Variants in LARP1 observed in about 807,000 individuals in gnomAD.
LARP1 encodes La ribonucleoprotein 1, translational regulator.
LARP1 carries 36 observed loss-of-function variants against 122.7 expected under a neutral mutation model. The ratio of observed to expected loss-of-function variants is 0.29; its 90% CI spans 0.22 to 0.39. The LOEUF (loss-of-function observed/expected upper bound fraction) is 0.39. Ranked by LOEUF, LARP1 falls within the 10% of genes least tolerant of loss-of-function variation. The pLI, the probability that LARP1 is intolerant of heterozygous loss-of-function variation, is 1.00. For missense variants in LARP1, 1,040 were observed against 1,403.6 expected (o/e 0.74, Z 4.14); for synonymous variants, 539 against 528.7 (o/e 1.02, Z -0.27).
At chr5:154,783,123 T>A (rs1000992994) in intron 1 of LARP1, among the ~76,000 whole-genome samples, 1 of 152,116 alleles carries the variant, frequency 6.6e-6, no homozygotes, top group Non-Finnish European at 1.5e-5. Context: ...ACAGTCAGGG[T>A]CCCTGGACAC....
rs796666766 is a variant in LARP1, at chr5:154,762,295, G to GTT, written c.436+6112_436+6113dup. ...CCTCCTACACAGAGGTAAGATGTAA[G>GTT]TTTTTTTTTTTATTTCAGAAGATTG... On this transcript the variant is annotated intron_variant, in intron 1 of 18. Transcript: ENST00000518297. Among the ~76,000 whole-genome samples the GTT allele has an allele frequency of 2.5e-3, 378 of 148,456 alleles. 3 individuals are homozygous for GTT. Among genetic ancestry groups the GTT allele is most frequent in the African/African-American group, 8.7e-3 (353 of 40,706 alleles).
chr5:154,735,461 A>T (rs957228920), intron 1 of LARP1, among the ~76,000 whole-genome samples: 7 of 151,966 alleles, frequency 4.6e-5, no homozygotes, highest in Non-Finnish European at 7.4e-5. Context: ...TCAAAAAAAA[A>T]AGAGACCCTG....
chr5:154,799,883 T>C lies in LARP1; in HGVS notation c.1557T>C (p.Pro519=), dbSNP rs1582455373. 1 of 1,613,884 alleles carries C rather than the reference T, an allele frequency of 6.2e-7. No homozygotes were observed. Among genetic ancestry groups the C allele is most frequent in the African/African-American group, 1.3e-5 (1 of 75,048 alleles). ...QHYQKETESA[P]GSPRAVTPVP... ...CTTTCCACCCTTTAGAGTCGGCACC[T>C]GGCTCTCCTCGTGCAGTCACCCCAG... The change falls in exon 10 of 19, where the codon CCT becomes CCC. Residue 519 remains proline, a synonymous_variant. Transcript: ENST00000518297.
chr5:154,775,993 A>G (rs1755851680), intron 1 of LARP1, among the ~76,000 whole-genome samples: 1 of 152,202 alleles, frequency 6.6e-6, no homozygotes, highest in Non-Finnish European at 1.5e-5. Flanking sequence ...AGTGGTGGCC[A>G]TTATTACTAT....
intron 8 of LARP1, among the ~76,000 whole-genome samples, chr5:154,796,121 T>TTTTATATATTTATATATTA (rs1757812690): frequency 1.9e-5 from 2 of 104,246 alleles, no homozygotes; most frequent in African/African-American, 8.1e-5. Context: ...AGTATATATA[T>TTTTATATATTTATATATTA]TATATATATT....
chr5:154,768,576 TTTTATTTATTTA>T (rs201388323), intron 1 of LARP1, among the ~76,000 whole-genome samples: 1 of 152,000 alleles, frequency 6.6e-6, no homozygotes, highest in African/African-American at 2.4e-5. Context: ...ATTTATTTAT[TTTTATTTATTTA>T]TTTATTTATT....
At chr5:154,804,037 C>T (rs571561240) in intron 13 of LARP1, among the ~76,000 whole-genome samples, 164 bp from the exon 14 acceptor site, 2 of 152,208 alleles carry the variant, frequency 1.3e-5, no homozygotes, top group Non-Finnish European at 2.9e-5. Context: ...TTGAAATAGG[C>T]ATACCAGTTC....
chr5:154,803,524 C>T lies in LARP1; in HGVS notation c.2234-16C>T. The T allele has an allele frequency of 1.2e-6, 2 of 1,614,166 alleles. No individual in the cohort carries two copies. The highest frequency in any genetic ancestry group is 2.2e-5 in the South Asian group (2 of 91,082). ...GGCCTTTCCCTGCTTCCTGACTCCT[C>T]TCTCTGCCTCTGCAGTTCCTACGGA... On this transcript the variant is annotated splice_polypyrimidine_tract_variant and intron_variant, in intron 12 of 18. Transcript: ENST00000518297. The surrounding 1 kb of genome is among the most constrained non-coding windows in gnomAD (Gnocchi z 4.4).
chr5:154,786,819 C>T (rs1444064728), intron 1 of LARP1: 1 of 174,140 alleles, frequency 5.7e-6, no homozygotes, highest in Non-Finnish European at 1.2e-5. Flanking sequence ...TTTCTGGCCT[C>T]AGTTCCCTGT....
chr5:154,715,563 A>G (rs1301597245), intron 1 of LARP1, among the ~76,000 whole-genome samples: 1 of 152,008 alleles, frequency 6.6e-6, no homozygotes, highest in Non-Finnish European at 1.5e-5. Flanking sequence ...TTTAACCAAC[A>G]CTGAAACGTT....
intron 1 of LARP1, among the ~76,000 whole-genome samples, chr5:154,723,604 A>G (rs966572021): frequency 6.6e-6 from 1 of 152,232 alleles, no homozygotes; most frequent in Non-Finnish European, 1.5e-5. Flanking sequence ...GGGGAAAATA[A>G]TGAGAAAAAA....
At chr5:154,757,012 C>G (rs1407133397) in intron 1 of LARP1, among the ~76,000 whole-genome samples, 1 of 147,978 alleles carries the variant, frequency 6.8e-6, no homozygotes, top group African/African-American at 2.5e-5. Flanking sequence ...CGCCATGCGC[C>G]GCGCCGGCGG....
At chr5:154,693,027 G>A in intron 1 of LARP1, among the ~76,000 whole-genome samples, 1 of 125,810 alleles carries the variant, frequency 7.9e-6, no homozygotes, top group Admixed American at 8.6e-5. Context: ...GTCTCATTAT[G>A]TTGCCCCGGC....
At chr5:154,755,062 G>A (rs150706944), upstream of LARP1, among the ~76,000 whole-genome samples, 360 of 152,004 alleles carry the variant, frequency 2.4e-3, no homozygotes, top group Non-Finnish European at 3.9e-3. Context: ...TCCTATCCCC[G>A]TCAGCGCCCC....
At chr5:154,723,855 G>A (rs1461479388) in intron 1 of LARP1, among the ~76,000 whole-genome samples, 1 of 152,100 alleles carries the variant, frequency 6.6e-6, no homozygotes, top group African/African-American at 2.4e-5. Flanking sequence ...AGAGAGATGG[G>A]GCCCTTCAGC....
intron 1 of LARP1, among the ~76,000 whole-genome samples, chr5:154,718,173 C>G (rs1755629741): frequency 6.6e-6 from 1 of 152,148 alleles, no homozygotes; most frequent in African/African-American, 2.4e-5. Flanking sequence ...CCTCTTGCCT[C>G]AGCCTCCTGA....
intron 15 of LARP1, among the ~76,000 whole-genome samples, chr5:154,806,926 C>T (rs543841990): frequency 3.6e-4 from 55 of 152,206 alleles, no homozygotes; most frequent in African/African-American, 1.3e-3. Flanking sequence ...TTTCATTACC[C>T]CCAAAATGCT....
rs1366130914 is a variant in LARP1 at position 154,815,274 on chromosome 5, C to T, written c.*1178C>T. 1 of 152,438 alleles carries T rather than the reference C, an allele frequency of 6.6e-6. No individual in the cohort carries two copies. Among genetic ancestry groups the T allele is most frequent in the African/African-American group, 2.4e-5 (1 of 41,362 alleles). The allele number at this position is 152,438 out of a possible 1,614,324, so 9.4% of individuals were successfully genotyped here. Reference sequence around the variant, plus strand: ...CTGTACACTGCTGCCACTGTTGTGTCCTCGCTCTGCTTGCTGTTGCCTCAC... The same window carrying T: ...CTGTACACTGCTGCCACTGTTGTGTTCTCGCTCTGCTTGCTGTTGCCTCAC... On this transcript the variant is annotated 3_prime_UTR_variant, in exon 19 of 19. Transcript: ENST00000518297.
At chr5:154,777,951 C>G (rs1261147137) in intron 1 of LARP1, among the ~76,000 whole-genome samples, 1 of 152,168 alleles carries the variant, frequency 6.6e-6, no homozygotes, top group East Asian at 1.9e-4. Context: ...TGGCTCATGA[C>G]TATACTTACT....
Sources: gnomAD v4.1 joint callset for allele counts (sites outside exome capture counted in the v4.1 genomes callset) on GRCh38, gnomAD v4.1.1 for gene constraint, Gnocchi (gnomAD v3.1) non-coding constraint, MANE v1.5 for transcripts, NCBI Gene and HGNC (gene_info 2026-07-23, HGNC 2026-07-21) for gene names.